TMEM238L: variants seen among roughly 807,000 people sequenced by gnomAD.
TMEM238L encodes transmembrane protein 238 like, also known as transmembrane protein 238-like.
chr17:10,798,225 GC>G (rs1283394129), intron 1 of TMEM238L, among the ~76,000 whole-genome samples: 1 of 151,976 alleles, frequency 6.6e-6, no homozygotes. Flanking sequence ...GAGGTTCTGT[GC>G]CTCCTCTCAG....
intron 1 of TMEM238L, among the ~76,000 whole-genome samples, chr17:10,803,189 G>A (rs368272702): frequency 6.6e-6 from 1 of 152,136 alleles, no homozygotes; most frequent in Non-Finnish European, 1.5e-5. Context: ...GTATGCAAGG[G>A]CACAAGAGTC....
At chr17:10,803,777 T>C in exon 1 of TMEM238L, 1 of 399,616 alleles carries the variant, frequency 2.5e-6, no homozygotes, top group Admixed American at 4.4e-5. Flanking sequence ...TACCAGATGA[T>C]CCAGAGCAGT....
intron 1 of TMEM238L, among the ~76,000 whole-genome samples, chr17:10,803,400 C>A (rs1047091037): frequency 6.6e-6 from 1 of 152,172 alleles, no homozygotes; most frequent in African/African-American, 2.4e-5. Context: ...CCAGCCTCTG[C>A]GAGGAAAAGG....
At chr17:10,801,213 G>A (rs1292958584) in intron 1 of TMEM238L, among the ~76,000 whole-genome samples, 1 of 152,116 alleles carries the variant, frequency 6.6e-6, no homozygotes, top group African/African-American at 2.4e-5. Flanking sequence ...ACTGCGCCCG[G>A]CTAATTTTTT....
At chr17:10,800,245 TTAACTC>T (rs1904697320) in intron 1 of TMEM238L, among the ~76,000 whole-genome samples, 1 of 148,698 alleles carries the variant, frequency 6.7e-6, no homozygotes, top group Non-Finnish European at 1.5e-5. Context: ...AACCACATCT[TTAACTC>T]TAAAGGGAAG....
chr17:10,803,046 T>C (rs1362005288), intron 1 of TMEM238L, among the ~76,000 whole-genome samples: 1 of 151,872 alleles, frequency 6.6e-6, no homozygotes, highest in Non-Finnish European at 1.5e-5. Flanking sequence ...TGAGTGGGCA[T>C]GGAGGCGAGT....
At chr17:10,799,981 G>C (rs1171583815) in intron 1 of TMEM238L, among the ~76,000 whole-genome samples, 1 of 151,616 alleles carries the variant, frequency 6.6e-6, no homozygotes, top group African/African-American at 2.4e-5. Context: ...GCCCAGGCTG[G>C]AGTGCAGTGG....
chr17:10,799,359 G>C (rs1265997915), intron 1 of TMEM238L, among the ~76,000 whole-genome samples: 2 of 152,128 alleles, frequency 1.3e-5, no homozygotes, highest in Admixed American at 1.3e-4. Context: ...CACAATGCCT[G>C]GCTATTTTTT....
intron 1 of TMEM238L, chr17:10,802,601 C>T (rs1266201539): frequency 6.6e-6 from 1 of 152,664 alleles, no homozygotes; most frequent in East Asian, 1.9e-4. Context: ...ACAAAAGACA[C>T]AATTATTATT....
At chr17:10,799,971 G>A (rs1004892178) in intron 1 of TMEM238L, among the ~76,000 whole-genome samples, 26 of 149,004 alleles carry the variant, frequency 1.7e-4, no homozygotes, top group Non-Finnish European at 3.1e-4. Context: ...TGGCTCTGTC[G>A]CCCAGGCTGG....
At chr17:10,803,659 GC>G in exon 1 of TMEM238L, 1 of 398,244 alleles carries the variant, frequency 2.5e-6, no homozygotes, top group Non-Finnish European at 4.4e-6. Context: ...CTGCCCAAGA[GC>G]CCCAGGTTCA....
chr17:10,802,624 C>T (rs1490427803), intron 1 of TMEM238L: 1 of 152,692 alleles, frequency 6.5e-6, no homozygotes, highest in East Asian at 1.9e-4. Context: ...CTTCTTTCAA[C>T]TCAGCAACGA....
intron 1 of TMEM238L, among the ~76,000 whole-genome samples, chr17:10,801,719 G>T (rs1482138257): frequency 1.3e-5 from 2 of 151,778 alleles, no homozygotes; most frequent in African/African-American, 2.4e-5. Context: ...TGAATCTTTG[G>T]TGAGTGTCTG....
In TMEM238L at chr17:10,799,992, C is replaced by T. The variant is rs574584250; in HGVS notation, c.*118+3614G>A. Among the ~76,000 whole-genome samples, 3 of 150,816 alleles carry T rather than the reference C, an allele frequency of 2.0e-5. No homozygotes were observed. The East Asian group carries it at 5.9e-4, about 29-fold the overall frequency. ...TGTCGCCCAGGCTGGAGTGCAGTGG[C>T]GTGATCTCGGCTCACTGCAAGCTCC... is the stretch of plus-strand genomic sequence containing the variant. On this transcript the variant is annotated intron_variant, in intron 1 of 1. Coordinates refer to ENST00000581851, the Ensembl canonical transcript of TMEM238L.
intron 1 of TMEM238L, among the ~76,000 whole-genome samples, chr17:10,796,736 C>T (rs1001218789): frequency 2.0e-5 from 3 of 152,200 alleles, no homozygotes; most frequent in African/African-American, 7.2e-5. Context: ...ATTGGCATAA[C>T]GTCTCTTCCT....
exon 1 of TMEM238L, chr17:10,803,742 A>C (rs1456445945): frequency 5.0e-6 from 2 of 399,542 alleles, no homozygotes; most frequent in African/African-American, 4.1e-5. Context: ...CCAGTTTTTC[A>C]GGAGACACCT....
chr17:10,794,968 A>G (rs905283255), exon 2 of TMEM238L: 1 of 152,232 alleles, frequency 6.6e-6, no homozygotes, highest in African/African-American at 2.4e-5. Context: ...ACCTCATACC[A>G]TGAAAGATCG....
intron 1 of TMEM238L, among the ~76,000 whole-genome samples, chr17:10,801,445 G>A (rs1056063001): frequency 2.6e-5 from 4 of 152,110 alleles, no homozygotes; most frequent in African/African-American, 7.2e-5. Flanking sequence ...AACCCTCACC[G>A]ACATTTGCTC....
chr17:10,799,313 T>G (rs1904660227), intron 1 of TMEM238L, among the ~76,000 whole-genome samples: 1 of 152,268 alleles, frequency 6.6e-6, no homozygotes, highest in African/African-American at 2.4e-5. Context: ...TTCTTCTGCC[T>G]CAGCCTCCCA....
Sources: allele counts gnomAD v4.1 joint callset (sites outside exome capture counted in the v4.1 genomes callset), GRCh38; gene constraint gnomAD v4.1.1; transcripts MANE v1.5; gene names NCBI Gene and HGNC (gene_info 2026-07-23, HGNC 2026-07-21).